ADGRL4: variants seen among roughly 807,000 people sequenced by gnomAD.
ADGRL4 encodes adhesion G protein-coupled receptor L4.
Under a neutral mutation model 74.8 loss-of-function variants are expected in ADGRL4, and 90 were observed. That is an observed-to-expected ratio of 1.20 (90% CI 1.02 to 1.43). ADGRL4 has a LOEUF of 1.43. Among genes scored for constraint, ADGRL4 ranks in the 40% most tolerant of loss-of-function variants. The pLI is 0.00. For synonymous variants in ADGRL4, 311 were observed against 279.2 expected (o/e 1.11, Z -1.14); for missense variants, 881 against 814.3 (o/e 1.08, Z -1.00).
At chr1:78,921,546 C>T (rs1253096820) in intron 9 of ADGRL4, 67 bp downstream of exon 9, 3 of 1,014,314 alleles carry the variant, frequency 3.0e-6, no homozygotes, top group Admixed American at 3.0e-5. Context: ...TAAATATTGT[C>T]TCGAATGATG....
Position 78,890,965 on chromosome 1 carries a change from A to T in ADGRL4, c.*189T>A, listed in dbSNP as rs1424827079. 3 of 611,090 alleles carry T rather than the reference A, an allele frequency of 4.9e-6. No homozygotes were observed. Among genetic ancestry groups the T allele is most frequent in the African/African-American group, 3.7e-5 (2 of 53,672 alleles). The allele number at this position is 611,090 out of a possible 1,614,324, so 37.9% of individuals were successfully genotyped here. A position where few individuals can be genotyped will look rare whatever the true frequency, so the allele number is the denominator to read the frequency against. On this transcript the variant is annotated 3_prime_UTR_variant, in exon 15 of 15. Transcript: ENST00000370742. ...TATTTCACATAGAAAAACATAGTATATCTATATGATACATAATTTTACCTT... is the reference window on the plus strand; with the variant it reads ...TATTTCACATAGAAAAACATAGTATTTCTATATGATACATAATTTTACCTT...
At chr1:78,892,930 G>A (rs1425856639) in intron 13 of ADGRL4, among the ~76,000 whole-genome samples, 168 bp downstream of exon 13, 1 of 151,752 alleles carries the variant, frequency 6.6e-6, no homozygotes, top group African/African-American at 2.4e-5. Context: ...TGCAGTAATT[G>A]TAGTCTTAAT....
intron 2 of ADGRL4, among the ~76,000 whole-genome samples, chr1:78,964,404 C>A (rs11799869): frequency 1.3e-5 from 2 of 152,064 alleles, no homozygotes; most frequent in East Asian, 3.9e-4. Flanking sequence ...AAGTACAAAG[C>A]AGAAAAGGTC....
chr1:78,917,771 G>C, intron 11 of ADGRL4, 59 bp downstream of exon 11: 1 of 1,583,392 alleles, frequency 6.3e-7, no homozygotes, highest in South Asian at 1.1e-5. Context: ...AATTATCAAA[G>C]AAATGCAAAG....
At chr1:78,894,204 A>T (rs971514971) in intron 12 of ADGRL4, among the ~76,000 whole-genome samples, 9 of 151,866 alleles carry the variant, frequency 5.9e-5, no homozygotes, top group Non-Finnish European at 1.2e-4. Context: ...CTATCTTCTA[A>T]TGAGTTTTAT....
At chr1:78,971,606 A>G (rs1650168826) in intron 2 of ADGRL4, among the ~76,000 whole-genome samples, 1 of 152,164 alleles carries the variant, frequency 6.6e-6, no homozygotes, top group South Asian at 2.1e-4. Context: ...TCATCCTTCA[A>G]AGTATCTGTG....
chr1:78,898,627 C>A (rs1252490431), intron 12 of ADGRL4, among the ~76,000 whole-genome samples: 1 of 151,696 alleles, frequency 6.6e-6, no homozygotes, highest in Non-Finnish European at 1.5e-5. Flanking sequence ...TTCAATGCTG[C>A]ACTTCAGAAT....
intron 2 of ADGRL4, among the ~76,000 whole-genome samples, chr1:78,977,907 A>AT (rs1650320319): frequency 1.3e-5 from 2 of 152,084 alleles, no homozygotes; most frequent in South Asian, 4.1e-4. Context: ...GCAAAAGAGT[A>AT]TAGGCCAGTA....
intron 12 of ADGRL4, among the ~76,000 whole-genome samples, chr1:78,915,225 C>A (rs1648847324): frequency 6.6e-6 from 1 of 151,870 alleles, no homozygotes; most frequent in Non-Finnish European, 1.5e-5. Context: ...CTCCAGTAAG[C>A]ACATTGCCTG....
At chr1:78,913,492 G>C (rs1368863221) in intron 12 of ADGRL4, among the ~76,000 whole-genome samples, 1 of 151,788 alleles carries the variant, frequency 6.6e-6, no homozygotes, top group Non-Finnish European at 1.5e-5. Context: ...TGGAACTGGA[G>C]GTCATTATCC....
At chr1:78,963,937 C>T (rs941678079) in intron 2 of ADGRL4, among the ~76,000 whole-genome samples, 5 of 152,154 alleles carry the variant, frequency 3.3e-5, no homozygotes, top group African/African-American at 1.2e-4. Context: ...AAATATCAGG[C>T]TTCCAGTTCT....
At chr1:78,998,937 C>T (rs1650780135) in intron 2 of ADGRL4, among the ~76,000 whole-genome samples, 2 of 152,132 alleles carry the variant, frequency 1.3e-5, no homozygotes, top group South Asian at 4.1e-4. Flanking sequence ...TTTAAAAATT[C>T]ATGTGAAGTG....
chr1:78,933,120 C>T (rs1649280839), intron 7 of ADGRL4, among the ~76,000 whole-genome samples: 1 of 151,406 alleles, frequency 6.6e-6, no homozygotes. Flanking sequence ...GGCAGAGACA[C>T]AACAATAAAA....
At chr1:78,907,009 T>G (rs1648656761) in intron 12 of ADGRL4, among the ~76,000 whole-genome samples, 1 of 151,954 alleles carries the variant, frequency 6.6e-6, no homozygotes, top group Admixed American at 6.6e-5. Flanking sequence ...CATCTACATA[T>G]CAGAAATTCA....
chr1:78,952,099 A>C (rs1192905809), intron 2 of ADGRL4, among the ~76,000 whole-genome samples: 1 of 151,782 alleles, frequency 6.6e-6, no homozygotes, highest in Non-Finnish European at 1.5e-5. Flanking sequence ...AAAAAGAAAA[A>C]AGAATCGTCT....
At chr1:78,945,180 A>ATT (rs1649572410) in intron 3 of ADGRL4, among the ~76,000 whole-genome samples, 1 of 121,148 alleles carries the variant, frequency 8.3e-6, no homozygotes, top group Non-Finnish European at 1.8e-5. Context: ...AAAAAAAAAT[A>ATT]TATATATATA....
At chr1:78,973,897 A>G (rs925030779) in intron 2 of ADGRL4, among the ~76,000 whole-genome samples, 5 of 152,144 alleles carry the variant, frequency 3.3e-5, no homozygotes, top group Admixed American at 1.3e-4. Context: ...TAAGGCTAGA[A>G]CAACTGACTA....
chr1:78,935,196 C>A (rs760924776), intron 7 of ADGRL4, among the ~76,000 whole-genome samples: 1 of 152,110 alleles, frequency 6.6e-6, no homozygotes, highest in African/African-American at 2.4e-5. Flanking sequence ...AAATGTGGTA[C>A]ATATACACCA....
chr1:78,987,048 G>A (rs112113907), intron 2 of ADGRL4, among the ~76,000 whole-genome samples: 5,503 of 151,804 alleles, frequency 0.036, 125 homozygotes, highest in South Asian at 0.053. Flanking sequence ...AGATGTCAGT[G>A]CTATTTTAAG....
Sources: gnomAD v4.1 joint callset for allele counts (sites outside exome capture counted in the v4.1 genomes callset) on GRCh38, gnomAD v4.1.1 for gene constraint, MANE v1.5 for transcripts, NCBI Gene and HGNC (gene_info 2026-07-23, HGNC 2026-07-21) for gene names.